Variants in HPDL observed in about 807,000 individuals in gnomAD.
The protein encoded by HPDL is 4-hydroxyphenylpyruvate dioxygenase-like protein.
In HPDL, 7 loss-of-function variants were observed where a neutral mutation model predicts 9.8. That is an observed-to-expected ratio of 0.71 (90% CI 0.41 to 1.34). The LOEUF is 1.34. Ranked by LOEUF, HPDL falls within the 40% of genes most tolerant of loss-of-function variation. The pLI is 0.01. For missense variants in HPDL, 530 were observed against 495.1 expected, an observed-to-expected ratio of 1.07 and a Z score of -0.67; for synonymous variants, 250 against 228.2, an observed-to-expected ratio of 1.10 and a Z score of -0.86.
Position 45,327,487 on chromosome 1 carries a change from G to GCT in HPDL, c.339_340insCT (p.Gly114LeufsTer18). On this transcript the variant is annotated frameshift_variant, in exon 1 of 1. Coordinates refer to ENST00000334815, the MANE Select transcript of HPDL (RefSeq NM_032756.4). LOFTEE classifies it low-confidence loss of function (END_TRUNC). The surrounding 1 kb of genome is among the most constrained non-coding windows in gnomAD (Gnocchi z 6.3). ...CTCCCGTTCGCGTGCGGGACGCGCA[G>GCT]GGTGCCGCCACTTACGCCGTGGTCA... 1 of 1,595,866 alleles carries GCT rather than the reference G, an allele frequency of 6.3e-7. No individual in the cohort carries two copies. The highest frequency in any genetic ancestry group is 1.7e-5 in the Admixed American group (1 of 59,442).
Position 45,328,529 on chromosome 1 carries a change from G to T in HPDL, c.*265G>T. 4.7e-6 allele frequency: 2 copies of T among 422,222 alleles called. No individual in the cohort carries two copies. The highest frequency in any genetic ancestry group is 8.8e-6 in the Non-Finnish European group (2 of 228,306). 26.2% of individuals were successfully genotyped at this position (422,222 alleles called of 1,614,324 possible). On this transcript the variant is annotated 3_prime_UTR_variant, in exon 1 of 1. Coordinates refer to ENST00000334815, the MANE Select transcript of HPDL (RefSeq NM_032756.4). The stretch of plus-strand genomic sequence containing the variant: ...AGAACAATAAAAGAATTACACACTA[G>T]GAAATAGAACATAACCAATACTTTC...
At position 45,327,416 on chromosome 1, in the gene HPDL, G is replaced by A; in HGVS notation, c.268G>A (p.Ala90Thr). 1 of 1,584,962 alleles carries A rather than the reference G, an allele frequency of 6.3e-7. No homozygotes were observed. Among genetic ancestry groups the A allele is most frequent in the East Asian group, 2.3e-5 (1 of 43,820 alleles). The change falls in exon 1 of 1, where the codon GCT becomes ACT. Residue 90 changes from alanine to threonine, a missense_variant. Coordinates refer to ENST00000334815, the MANE Select transcript of HPDL (RefSeq NM_032756.4). The surrounding 1 kb of genome is among the most constrained non-coding windows in gnomAD (Gnocchi z 6.3). ...GTGCTTCGACGTGGCGGACGCCGGCGCTGCAACCCGGGAGCTGGCAGCGCT... is the reference window on the plus strand; with the variant it reads ...GTGCTTCGACGTGGCGGACGCCGGCACTGCAACCCGGGAGCTGGCAGCGCT... Reference protein sequence around the residue: ...NLCFDVADAGAATRELAALGC... With the variant: ...NLCFDVADAGTATRELAALGC...
Position 45,328,360 on chromosome 1 carries a change from G to C in HPDL, c.*96G>C. The C allele has an allele frequency of 1.5e-6, 2 of 1,349,368 alleles. No homozygotes were observed. The highest frequency in any genetic ancestry group is 1.5e-5 in the South Asian group (1 of 68,204). The allele number at this position is 1,349,368 out of a possible 1,614,324, so 83.6% of individuals were successfully genotyped here. ...CTGCAGGAGGCCCAACTAGTGAAAG[G>C]CTTTGCCTCCGGGGGGCAGGTGTGA... is the stretch of plus-strand genomic sequence containing the variant. On this transcript the variant is annotated 3_prime_UTR_variant, in exon 1 of 1. Coordinates refer to ENST00000334815, the MANE Select transcript of HPDL (RefSeq NM_032756.4).
In HPDL at chr1:45,327,490, TGC is replaced by T; in HGVS notation, c.343_344del (p.Ala115ArgfsTer80). On this transcript the variant is annotated frameshift_variant, in exon 1 of 1. Coordinates refer to ENST00000334815, the MANE Select transcript of HPDL (RefSeq NM_032756.4). LOFTEE classifies it low-confidence loss of function (END_TRUNC). This position sits in a 1 kb window ranked among gnomAD's most constrained non-coding sequence, Gnocchi z 6.3. ...PPVRVRDAQG[A>X]ATYAVVSSPA... Reference sequence around the variant, plus strand: ...CCGTTCGCGTGCGGGACGCGCAGGGTGCCGCCACTTACGCCGTGGTCAGCTCG... The same window carrying T: ...CCGTTCGCGTGCGGGACGCGCAGGGTCGCCACTTACGCCGTGGTCAGCTCG... 1 of 1,596,348 alleles carries T rather than the reference TGC, an allele frequency of 6.3e-7. No homozygotes were observed. Among genetic ancestry groups the T allele is most frequent in the Admixed American group, 1.7e-5 (1 of 59,486 alleles).
chr1:45,327,437 G>A lies in HPDL; in HGVS notation c.289G>A (p.Ala97Thr), dbSNP rs758628276. ...DAGAATRELA[A>T]LGCSVPVPPV... ...CGGCGCTGCAACCCGGGAGCTGGCA[G>A]CGCTGGGCTGCAGCGTGCCTGTCCC... The change falls in exon 1 of 1, where the codon GCG (alanine) becomes ACG (threonine). Residue 97 changes from alanine (A) to threonine (T), a missense_variant. Transcript: ENST00000334815. This position sits in a 1 kb window ranked among gnomAD's most constrained non-coding sequence, Gnocchi z 6.3. 2 of 1,585,980 alleles carry A rather than the reference G, an allele frequency of 1.3e-6. No homozygotes were observed. Among genetic ancestry groups the A allele is most frequent in the Non-Finnish European group, 1.7e-6 (2 of 1,172,400 alleles).
rs72890565 is a variant in HPDL at position 45,328,429 on chromosome 1, G to T, written c.*165G>T. 1,129 of 653,254 alleles carry T rather than the reference G, an allele frequency of 1.7e-3. 14 individuals are homozygous for T. In the African/African-American group the frequency reaches 0.019, roughly 11 times the overall value. The allele number at this position is 653,254 out of a possible 1,614,324, so 40.5% of individuals were successfully genotyped here. A position where few individuals can be genotyped will look rare whatever the true frequency, so the allele number is the denominator to read the frequency against. On this transcript the variant is annotated 3_prime_UTR_variant, in exon 1 of 1. Coordinates refer to ENST00000334815, the MANE Select transcript of HPDL (RefSeq NM_032756.4). ...CTGCCAGAAGCTGTGTCTCTCATTG[G>T]GCTCCAAAGAGGTGGGATTTTTTAA... is the stretch of plus-strand genomic sequence containing the variant.
Position 45,327,973 on chromosome 1 carries a change from T to G in HPDL, c.825T>G (p.Thr275=). The change falls in exon 1 of 1, where the codon ACT becomes ACG. Residue 275 remains threonine (T), a synonymous_variant. Transcript: ENST00000334815. This position sits in a 1 kb window ranked among gnomAD's most constrained non-coding sequence, Gnocchi z 6.3. The stretch of plus-strand genomic sequence containing the variant: ...TGGAGGCCACTGAGGGGGTGGCAAC[T>G]GCTGGAGGCCAGTTCCTGGCTCCCC... ...NIVEATEGVA[T]AGGQFLAPPG... The G allele has an allele frequency of 6.2e-7, 1 of 1,606,936 alleles. No homozygotes were observed. Among genetic ancestry groups the G allele is most frequent in the Non-Finnish European group, 8.5e-7 (1 of 1,175,566 alleles).
At position 45,327,660 on chromosome 1, in the gene HPDL, G is replaced by C. The variant is rs755217610; in HGVS notation, c.512G>C (p.Gly171Ala). Reference sequence around the variant, plus strand: ...CACCTGACCTTGGCCTGCACCCCCGGCAGCTCCCCCACACTTTTGCGCTGG... The same window carrying C: ...CACCTGACCTTGGCCTGCACCCCCGCCAGCTCCCCCACACTTTTGCGCTGG... ...VDHLTLACTP[G>A]SSPTLLRWFH... The change falls in exon 1 of 1, where the codon GGC (glycine) becomes GCC (alanine). Residue 171 changes from glycine to alanine, a missense_variant. Coordinates refer to ENST00000334815, the MANE Select transcript of HPDL (RefSeq NM_032756.4). The surrounding 1 kb of genome is among the most constrained non-coding windows in gnomAD (Gnocchi z 6.3). 1.2e-6 allele frequency: 2 copies of C among 1,611,352 alleles called. No individual in the cohort carries two copies. The highest frequency in any genetic ancestry group is 2.7e-5 in the African/African-American group (2 of 75,016).
rs1472848251 is a variant in HPDL at position 45,327,647 on chromosome 1, G to A, written c.499G>A (p.Ala167Thr). The A allele has an allele frequency of 6.2e-7, 1 of 1,612,086 alleles. No individual in the cohort carries two copies. The highest frequency in any genetic ancestry group is 8.5e-7 in the Non-Finnish European group (1 of 1,179,236). Residue 167 changes from alanine to threonine, a missense_variant, in exon 1 of 1, where the codon GCC (alanine) becomes ACC (threonine). By Grantham distance (58) the Ala-to-Thr change is moderately conservative (BLOSUM62 0). Coordinates refer to ENST00000334815, the MANE Select transcript of HPDL (RefSeq NM_032756.4). This position sits in a 1 kb window ranked among gnomAD's most constrained non-coding sequence, Gnocchi z 6.3. ...CAGCCGCGTGGACCACCTGACCTTG[G>A]CCTGCACCCCCGGCAGCTCCCCCAC... is the stretch of plus-strand genomic sequence containing the variant. ...WVSRVDHLTL[A>T]CTPGSSPTLL...
rs868013173 is a variant in HPDL, at chr1:45,328,152, CTT to C, written c.1006_1007del (p.Phe336LeufsTer66). 1 of 1,614,148 alleles carries C rather than the reference CTT, an allele frequency of 6.2e-7. No homozygotes were observed. The highest frequency in any genetic ancestry group is 1.3e-5 in the African/African-American group (1 of 74,950). On this transcript the variant is annotated frameshift_variant, in exon 1 of 1. Coordinates refer to ENST00000334815, the MANE Select transcript of HPDL (RefSeq NM_032756.4). LOFTEE classifies it high-confidence loss of function. ...ACCAAGTCCCTTTTTACTGAGGACA[CTT>C]TCTTCCTGGAGCTGATTCAGAGGCA...
Position 45,327,584 on chromosome 1 carries a change from T to G in HPDL, c.436T>G (p.Phe146Val). Residue 146 changes from phenylalanine (F) to valine (V), a missense_variant, in exon 1 of 1, where the codon TTC becomes GTC. Transcript: ENST00000334815. The surrounding 1 kb of genome is among the most constrained non-coding windows in gnomAD (Gnocchi z 6.3). ...AGYRGPFLPG[F>V]RPVSSAPGPG... ...CTACCGCGGACCCTTCCTACCCGGC[T>G]TCAGGCCCGTGTCCTCTGCGCCTGG... 2 of 1,611,510 alleles carry G rather than the reference T, an allele frequency of 1.2e-6. No individual in the cohort carries two copies. The highest frequency in any genetic ancestry group is 1.7e-6 in the Non-Finnish European group (2 of 1,179,778).
In HPDL at chr1:45,328,350, C is replaced by T; in HGVS notation, c.*86C>T. 1.4e-6 allele frequency: 2 copies of T among 1,426,950 alleles called. No individual in the cohort carries two copies. The highest frequency in any genetic ancestry group is 9.5e-7 in the Non-Finnish European group (1 of 1,055,202). The allele number at this position is 1,426,950 out of a possible 1,614,324, so 88.4% of individuals were successfully genotyped here. ...TGAGGAACATCTGCAGGAGGCCCAA[C>T]TAGTGAAAGGCTTTGCCTCCGGGGG... On this transcript the variant is annotated 3_prime_UTR_variant, in exon 1 of 1. Transcript: ENST00000334815.
Position 45,328,151 on chromosome 1 carries a change from A to C in HPDL, c.1003A>C (p.Thr335Pro). 2 of 1,614,246 alleles carry C rather than the reference A, an allele frequency of 1.2e-6. No homozygotes were observed. Among genetic ancestry groups the C allele is most frequent in the Non-Finnish European group, 1.7e-6 (2 of 1,180,040 alleles). ...VFTKSLFTED[T>P]FFLELIQRQG... ...CACCAAGTCCCTTTTTACTGAGGACACTTTCTTCCTGGAGCTGATTCAGAG... is the reference window on the plus strand; with the variant it reads ...CACCAAGTCCCTTTTTACTGAGGACCCTTTCTTCCTGGAGCTGATTCAGAG... The change falls in exon 1 of 1, where the codon ACT becomes CCT. Residue 335 changes from threonine to proline, a missense_variant. Transcript: ENST00000334815.
rs754667821 is a variant in HPDL, at chr1:45,327,507, T to A, written c.359T>A (p.Val120Glu). ...GCGCAGGGTGCCGCCACTTACGCCG[T>A]GGTCAGCTCGCCTGCCGGCATCCTC... The part of the protein sequence containing the change: ...RDAQGAATYA[V>E]VSSPAGILSL... Residue 120 changes from valine (V) to glutamate (E), a missense_variant, in exon 1 of 1, where the codon GTG (valine) becomes GAG (glutamate). Val to Glu is a moderately radical substitution (Grantham distance 121). Coordinates refer to ENST00000334815, the MANE Select transcript of HPDL (RefSeq NM_032756.4). This position sits in a 1 kb window ranked among gnomAD's most constrained non-coding sequence, Gnocchi z 6.3. The A allele has an allele frequency of 6.2e-7, 1 of 1,601,040 alleles. No homozygotes were observed. The highest frequency in any genetic ancestry group is 1.1e-5 in the South Asian group (1 of 90,482).
Position 45,327,071 on chromosome 1 carries a change from A to G in HPDL, c.-78A>G. 4 of 1,439,376 alleles carry G rather than the reference A, an allele frequency of 2.8e-6. No homozygotes were observed. Among genetic ancestry groups the G allele is most frequent in the South Asian group, 1.4e-5 (1 of 72,720 alleles). 89.2% of individuals were successfully genotyped at this position (1,439,376 alleles called of 1,614,324 possible). ...CTCCCCAACTCCGGACGATCAGCCC[A>G]GGACTGAGAGCCCCGAAGTCCCCAA... is the stretch of plus-strand genomic sequence containing the variant. On this transcript the variant is annotated 5_prime_UTR_variant, in exon 1 of 1. Transcript: ENST00000334815. The surrounding 1 kb of genome is among the most constrained non-coding windows in gnomAD (Gnocchi z 6.3).
rs1644240353 is a variant in HPDL at position 45,327,155 on chromosome 1, GCGCC to G, written c.13_16del (p.Ala5PhefsTer16). On this transcript the variant is annotated frameshift_variant, in exon 1 of 1. Transcript: ENST00000334815. LOFTEE classifies it low-confidence loss of function (END_TRUNC). The surrounding 1 kb of genome is among the most constrained non-coding windows in gnomAD (Gnocchi z 6.3). The stretch of plus-strand genomic sequence containing the variant: ...GGTCGCCGTCCAGAGCGCCATGGCC[GCGCC>G]CGCCCTTCGTTTGTGCCACATCGCC... The G allele has an allele frequency of 8.4e-6, 13 of 1,552,836 alleles. No individual in the cohort carries two copies. Among genetic ancestry groups the G allele is most frequent in the Non-Finnish European group, 1.1e-5 (13 of 1,150,192 alleles).
Position 45,328,368 on chromosome 1 carries a change from T to TC in HPDL, c.*106dup. On this transcript the variant is annotated 3_prime_UTR_variant, in exon 1 of 1. Coordinates refer to ENST00000334815, the MANE Select transcript of HPDL (RefSeq NM_032756.4). Reference sequence around the variant, plus strand: ...GGCCCAACTAGTGAAAGGCTTTGCCTCCGGGGGGCAGGTGTGACTTCCATT... The same window carrying TC: ...GGCCCAACTAGTGAAAGGCTTTGCCTCCCGGGGGGCAGGTGTGACTTCCATT... The TC allele has an allele frequency of 8.0e-7, 1 of 1,251,914 alleles. No homozygotes were observed. The highest frequency in any genetic ancestry group is 1.5e-5 in the African/African-American group (1 of 66,584). The allele number at this position is 1,251,914 out of a possible 1,614,324, so 77.6% of individuals were successfully genotyped here.
rs1425549718 is a variant in HPDL, at chr1:45,327,349, C to T, written c.201C>T (p.Tyr67=). The T allele has an allele frequency of 6.3e-7, 1 of 1,580,674 alleles. No individual in the cohort carries two copies. The highest frequency in any genetic ancestry group is 8.6e-7 in the Non-Finnish European group (1 of 1,165,750). The stretch of plus-strand genomic sequence containing the variant: ...GCGCAGGGTCTGGAGAGCCGCTGTA[C>T]GGCCTGGATCCGCGTCACGCCGTGC... ...NEGAGSGEPL[Y]GLDPRHAVPS... is the part of the protein sequence containing the mutation. Residue 67 remains tyrosine (Y), a synonymous_variant, in exon 1 of 1, where the codon TAC becomes TAT. Transcript: ENST00000334815. The surrounding 1 kb of genome is among the most constrained non-coding windows in gnomAD (Gnocchi z 6.3).
Position 45,327,849 on chromosome 1 carries a change from T to C in HPDL, c.701T>C (p.Leu234Pro), listed in dbSNP as rs757449403. The C allele has an allele frequency of 1.3e-6, 2 of 1,550,300 alleles. No individual in the cohort carries two copies. Among genetic ancestry groups the C allele is most frequent in the Non-Finnish European group, 1.7e-6 (2 of 1,148,084 alleles). ...CCCACTCTTGTTCTGGCTGAGTCCC[T>C]TCCGGGGGCGACGACACGACAGGAC... is the stretch of plus-strand genomic sequence containing the variant. The part of the protein sequence containing the change: ...IVPTLVLAES[L>P]PGATTRQDQV... Residue 234 changes from leucine (L) to proline (P), a missense_variant, in exon 1 of 1, where the codon CTT becomes CCT. Transcript: ENST00000334815. The surrounding 1 kb of genome is among the most constrained non-coding windows in gnomAD (Gnocchi z 6.3).
Sources: gnomAD v4.1 joint callset for allele counts on GRCh38, gnomAD v4.1.1 for gene constraint, Gnocchi (gnomAD v3.1) non-coding constraint, MANE v1.5 for transcripts, NCBI Gene and HGNC (gene_info 2026-07-23, HGNC 2026-07-21) for gene names.